The following NFIB variants were observed in gnomAD, a reference collection of about 807,000 sequenced individuals.
The protein encoded by NFIB is nuclear factor I B.
Under a neutral mutation model 61.5 loss-of-function variants are expected in NFIB, and 11 were observed. The ratio of observed to expected loss-of-function variants is 0.18; its 90% CI spans 0.11 to 0.30. NFIB has a LOEUF of 0.30. Ranked by LOEUF, NFIB falls within the 10% of genes least tolerant of loss-of-function variation. NFIB has a pLI of 1.00. For missense variants in NFIB, 471 were observed against 608.9 expected, an observed-to-expected ratio of 0.77 and a Z score of 2.38; for synonymous variants, 260 against 216.5, an observed-to-expected ratio of 1.20 and a Z score of -1.76.
rs557048220 is a variant in NFIB at position 14,155,074 on chromosome 9, T to C, written c.685+751A>G. ...TCAGGTGAAAATATACCCTTCAAAG[T>C]TACATAAATAAGCTAAATCAGTGAA... On this transcript the variant is annotated intron_variant, in intron 4 of 10. Transcript: ENST00000380953. Among the ~76,000 whole-genome samples the C allele has an allele frequency of 2.0e-5, 3 of 152,256 alleles. No individual in the cohort carries two copies. In the South Asian group the frequency reaches 6.2e-4, roughly 32 times the overall value.
At chr9:14,346,112 G>A (rs1040331224) in intron 1 of NFIB, among the ~76,000 whole-genome samples, 4 of 152,088 alleles carry the variant, frequency 2.6e-5, no homozygotes, top group East Asian at 3.9e-4. Flanking sequence ...CCACGGGAAG[G>A]GGGGCGCGCC....
At chr9:14,253,090 C>G (rs1386024873) in intron 2 of NFIB, among the ~76,000 whole-genome samples, 11 of 152,176 alleles carry the variant, frequency 7.2e-5, no homozygotes, top group Admixed American at 7.2e-4. Flanking sequence ...AAAGTTTAAG[C>G]AGATCTGCAA....
chr9:14,137,251 T>A (rs368230171), intron 6 of NFIB, among the ~76,000 whole-genome samples: 1 of 152,202 alleles, frequency 6.6e-6, no homozygotes, highest in Admixed American at 6.5e-5. Flanking sequence ...TCAATCTCTA[T>A]CAATCATTTG....
intron 10 of NFIB, among the ~76,000 whole-genome samples, chr9:14,099,661 C>A (rs1367491195): frequency 1.3e-5 from 2 of 152,186 alleles, no homozygotes; most frequent in Non-Finnish European, 2.9e-5. Context: ...ATTGGATTCA[C>A]CACAGCATTT....
intron 2 of NFIB, among the ~76,000 whole-genome samples, chr9:14,212,733 T>TA (rs565132924): frequency 1.4e-4 from 21 of 152,136 alleles, no homozygotes; most frequent in Admixed American, 9.2e-4. Flanking sequence ...AGTTATATGA[T>TA]AAAAAAATAC....
In NFIB at chr9:14,116,189, G is replaced by A. The variant is rs2038108617; in HGVS notation, c.1384+19C>T. The A allele has an allele frequency of 1.3e-6, 2 of 1,487,374 alleles. No individual in the cohort carries two copies. Among genetic ancestry groups the A allele is most frequent in the Non-Finnish European group, 9.0e-7 (1 of 1,111,572 alleles). 92.1% of individuals were successfully genotyped at this position (1,487,374 alleles called of 1,614,324 possible). ...CCTATGGAAATACTTACTGGTTGCT[G>A]TAGGTGAAGCTGCCTCACCTTCAGT... On this transcript the variant is annotated intron_variant, in intron 9 of 10. Transcript: ENST00000380953.
chr9:14,309,163 G>A (rs1386778301), intron 1 of NFIB, among the ~76,000 whole-genome samples: 1 of 152,130 alleles, frequency 6.6e-6, no homozygotes, highest in Non-Finnish European at 1.5e-5. Context: ...CTATTTAACA[G>A]CAGACTGACT....
intron 7 of NFIB, among the ~76,000 whole-genome samples, chr9:14,122,518 C>T (rs541007420): frequency 2.6e-5 from 4 of 152,130 alleles, no homozygotes; most frequent in South Asian, 2.1e-4. Flanking sequence ...AGAACAAATG[C>T]GTATTTCTTA....
At chr9:14,377,787 G>T (rs2061437194) in intron 1 of NFIB, among the ~76,000 whole-genome samples, 1 of 152,188 alleles carries the variant, frequency 6.6e-6, no homozygotes, top group Admixed American at 6.5e-5. Context: ...GATATCCTTT[G>T]AAACTTCTCT....
At position 14,195,166 on chromosome 9, in the gene NFIB, T is replaced by TA. The variant is rs200677099; in HGVS notation, c.563-15387dup. Among the ~76,000 whole-genome samples, 714 of 149,754 alleles carry TA rather than the reference T, an allele frequency of 4.8e-3. 1 individual carries two copies. The highest frequency in any genetic ancestry group is 7.8e-3 in the African/African-American group (317 of 40,452). On this transcript the variant is annotated intron_variant, in intron 2 of 10. Transcript: ENST00000380953. ...GGACCAATCAACTGGCAAAAGAAGTTAAAAAAAAACAAAAAACAAAAAACT... is the reference window on the plus strand; with the variant it reads ...GGACCAATCAACTGGCAAAAGAAGTTAAAAAAAAAACAAAAAACAAAAAACT...
At position 14,257,570 on chromosome 9, in the gene NFIB, C is replaced by T. The variant is rs533532003; in HGVS notation, c.562+49419G>A. ...GGGAGTTTGAGACCAGCCTGGCCAA[C>T]GTGGCGAAACCCTGTCTCTTCTAAA... On this transcript the variant is annotated intron_variant, in intron 2 of 10. Coordinates refer to ENST00000380953, the MANE Select transcript of NFIB (RefSeq NM_001190737.2). Among the ~76,000 whole-genome samples, 46 of 152,176 alleles carry T rather than the reference C, an allele frequency of 3.0e-4. No homozygotes were observed. The East Asian group carries it at 4.5e-3, about 15-fold the overall frequency.
At chr9:14,181,797 T>C (rs747342257) in intron 2 of NFIB, among the ~76,000 whole-genome samples, 10 of 152,220 alleles carry the variant, frequency 6.6e-5, no homozygotes, top group Non-Finnish European at 1.2e-4. Context: ...CTCACTCTTA[T>C]GAAGGTCTAG....
In NFIB at chr9:14,205,108, G is replaced by A. The variant is rs139752131; in HGVS notation, c.563-25328C>T. 15 of 161,668 alleles carry A rather than the reference G, an allele frequency of 9.3e-5. No individual in the cohort carries two copies. The East Asian group carries it at 2.5e-3, about 27-fold the overall frequency. 10.0% of individuals were successfully genotyped at this position (161,668 alleles called of 1,614,324 possible). On this transcript the variant is annotated intron_variant, in intron 2 of 10. Coordinates refer to ENST00000380953, the MANE Select transcript of NFIB (RefSeq NM_001190737.2). Reference sequence around the variant, plus strand: ...AAATTTCCCTTCAAAAAACATCTGAGGAATTAACTATGTCTGTGGCATAAA... The same window carrying A: ...AAATTTCCCTTCAAAAAACATCTGAAGAATTAACTATGTCTGTGGCATAAA...
chr9:14,466,357 G>A, the NFIB span, among the ~76,000 whole-genome samples: 1 of 152,126 alleles, frequency 6.6e-6, no homozygotes, highest in African/African-American at 2.4e-5. Context: ...GATGAGGCAT[G>A]GAAAGACTGG....
chr9:14,274,218 T>C (rs1022902728), intron 2 of NFIB, among the ~76,000 whole-genome samples: 3 of 139,598 alleles, frequency 2.1e-5, no homozygotes, highest in Non-Finnish European at 3.1e-5. Context: ...TCTCATGCTC[T>C]ACCCCCTTTC....
the NFIB span, among the ~76,000 whole-genome samples, chr9:14,513,650 AG>A: frequency 6.0e-3 from 689 of 114,108 alleles, 44 homozygotes; most frequent in East Asian, 0.13. Flanking sequence ...GAAAAAGAAA[AG>A]AAAAAGAAAA....
intron 1 of NFIB, among the ~76,000 whole-genome samples, chr9:14,391,789 G>C (rs991911675): frequency 6.6e-6 from 1 of 152,126 alleles, no homozygotes; most frequent in African/African-American, 2.4e-5. Flanking sequence ...GGCTGAACAG[G>C]ACACTGAGAA....
intron 2 of NFIB, among the ~76,000 whole-genome samples, chr9:14,246,218 C>G (rs1406204621): frequency 6.6e-6 from 1 of 152,064 alleles, no homozygotes; most frequent in Non-Finnish European, 1.5e-5. Context: ...TCCATAAGAC[C>G]TTCAAGGGCT....
intron 5 of NFIB, 150 bp from the exon 6 acceptor site, chr9:14,146,957 A>G (rs568590216): frequency 1.9e-6 from 2 of 1,036,594 alleles, no homozygotes; most frequent in African/African-American, 1.7e-5. Flanking sequence ...GAAGATATCA[A>G]TAGTAATAGC....
Sources: allele counts gnomAD v4.1 joint callset (sites outside exome capture counted in the v4.1 genomes callset), GRCh38; gene constraint gnomAD v4.1.1; transcripts MANE v1.5; gene names NCBI Gene and HGNC (gene_info 2026-07-23, HGNC 2026-07-21).